SUGCT: variants seen among roughly 807,000 people sequenced by gnomAD.
SUGCT encodes the protein succinyl-CoA:glutarate CoA-transferase.
SUGCT carries 41 observed loss-of-function variants against 55.0 expected under a neutral mutation model. The observed-to-expected ratio is 0.74, with a 90% CI of 0.58 to 0.97. SUGCT has a LOEUF of 0.97. SUGCT is among the 50% of genes least tolerant of loss of function. The pLI, the probability that SUGCT is intolerant of heterozygous loss-of-function variation, is 0.00. For synonymous variants in SUGCT, 187 were observed against 200.4 expected (o/e 0.93, Z 0.56); for missense variants, 568 against 547.8 (o/e 1.04, Z -0.37).
chr7:40,924,461 C>G, the SUGCT span, among the ~76,000 whole-genome samples: 2 of 152,128 alleles, frequency 1.3e-5, no homozygotes, highest in African/African-American at 4.8e-5. Context: ...GGTTGCCCCA[C>G]CCAGCTGGTC....
the SUGCT span, among the ~76,000 whole-genome samples, chr7:41,007,823 CAAAAAAAAAAAA>C: frequency 9.6e-6 from 1 of 104,292 alleles, no homozygotes; most frequent in African/African-American, 3.6e-5. Flanking sequence ...AACTGAAATC[CAAAAAAAAAAAA>C]AAAAAAAAGA....
Position 40,194,670 on chromosome 7 carries a change from A to G in SUGCT, c.364-270A>G, listed in dbSNP as rs188057352. Among the ~76,000 whole-genome samples, 6 of 152,354 alleles carry G rather than the reference A, an allele frequency of 3.9e-5. No homozygotes were observed. The East Asian group carries it at 1.2e-3, about 29-fold the overall frequency. ...TTTTGAGAATCTATTTGGACAGACC[A>G]TGTAGTCTAGATATTTATTACATTT... On this transcript the variant is annotated intron_variant, in intron 5 of 13. Transcript: ENST00000335693.
At chr7:40,607,180 C>G (rs1487452248) in intron 12 of SUGCT, among the ~76,000 whole-genome samples, 1 of 151,372 alleles carries the variant, frequency 6.6e-6, no homozygotes, top group Non-Finnish European at 1.5e-5. Flanking sequence ...TTATAGCTCA[C>G]TACAGCCTCA....
intron 12 of SUGCT, among the ~76,000 whole-genome samples, chr7:40,692,726 AT>A (rs1408678483): frequency 1.3e-5 from 2 of 152,192 alleles, no homozygotes; most frequent in African/African-American, 4.8e-5. Flanking sequence ...TCGGGCACCA[AT>A]TCTAAATTTC....
intron 1 of SUGCT, among the ~76,000 whole-genome samples, chr7:40,156,288 C>T (rs1023402240): frequency 3.3e-5 from 5 of 151,932 alleles, no homozygotes; most frequent in African/African-American, 7.2e-5. Context: ...ACAGTGAAAC[C>T]CCGTCTCTAC....
At chr7:40,901,023 G>A in the SUGCT span, among the ~76,000 whole-genome samples, 4 of 152,170 alleles carry the variant, frequency 2.6e-5, no homozygotes, top group Admixed American at 1.3e-4. Context: ...TATATTGTAG[G>A]TGGTGGGGAG....
intron 7 of SUGCT, among the ~76,000 whole-genome samples, chr7:40,255,140 C>A (rs1584477353): frequency 6.7e-6 from 1 of 149,904 alleles, no homozygotes; most frequent in South Asian, 2.1e-4. Flanking sequence ...GGCAGGAGAA[C>A]CACTTGAACC....
intron 13 of SUGCT, among the ~76,000 whole-genome samples, chr7:40,773,646 T>TCACTTTGC (rs548724466): frequency 5.3e-4 from 81 of 152,314 alleles, no homozygotes; most frequent in African/African-American, 1.7e-3. Context: ...CCTGCAGAGA[T>TCACTTTGC]ACTTTTTTTG....
At chr7:40,276,777 A>G (rs940076552) in intron 8 of SUGCT, among the ~76,000 whole-genome samples, 5 of 150,706 alleles carry the variant, frequency 3.3e-5, no homozygotes, top group South Asian at 2.1e-4. Context: ...TATATAGTCA[A>G]TCATTTTTGG....
chr7:40,972,484 A>G, the SUGCT span, among the ~76,000 whole-genome samples: 1 of 152,200 alleles, frequency 6.6e-6, no homozygotes, highest in Non-Finnish European at 1.5e-5. Context: ...CTTGCTTCCA[A>G]GCCCCACAGA....
intron 9 of SUGCT, among the ~76,000 whole-genome samples, chr7:40,361,467 G>A (rs1308305347): frequency 2.0e-5 from 3 of 151,838 alleles, no homozygotes; most frequent in Non-Finnish European, 2.9e-5. Flanking sequence ...CCAGCTACTC[G>A]GGAGGCTGAG....
At chr7:40,632,027 T>C (rs1372539511) in intron 12 of SUGCT, among the ~76,000 whole-genome samples, 2 of 152,166 alleles carry the variant, frequency 1.3e-5, no homozygotes, top group Non-Finnish European at 2.9e-5. Context: ...CTAACTCTTC[T>C]CCTGGAATGC....
the SUGCT span, among the ~76,000 whole-genome samples, chr7:40,953,572 T>C: frequency 6.6e-6 from 1 of 152,214 alleles, no homozygotes; most frequent in African/African-American, 2.4e-5. Flanking sequence ...TTTTTCCCCA[T>C]CTTTGTGGTT....
intron 9 of SUGCT, among the ~76,000 whole-genome samples, chr7:40,441,532 T>A (rs899502415): frequency 1.3e-5 from 2 of 152,136 alleles, no homozygotes; most frequent in Non-Finnish European, 2.9e-5. Context: ...GAAAAAGATA[T>A]TTTGTGTCAT....
At chr7:40,150,443 C>T (rs1031313505) in intron 1 of SUGCT, among the ~76,000 whole-genome samples, 5 of 152,068 alleles carry the variant, frequency 3.3e-5, no homozygotes, top group East Asian at 1.9e-4. Context: ...CTAAGGCAGG[C>T]GGATCACTTG....
intron 13 of SUGCT, among the ~76,000 whole-genome samples, chr7:40,753,532 A>G (rs1397749019): frequency 6.6e-6 from 1 of 152,164 alleles, no homozygotes; most frequent in East Asian, 1.9e-4. Context: ...GCTTATTACC[A>G]TTCCAAATTA....
chr7:40,982,468 A>G, the SUGCT span, among the ~76,000 whole-genome samples: 5 of 152,196 alleles, frequency 3.3e-5, no homozygotes, highest in Non-Finnish European at 2.9e-5. Flanking sequence ...TCAGGCTGTC[A>G]TAATGAAATA....
chr7:40,729,541 TC>T (rs1786787660), intron 12 of SUGCT, among the ~76,000 whole-genome samples: 1 of 152,170 alleles, frequency 6.6e-6, no homozygotes, highest in African/African-American at 2.4e-5. Context: ...ATATTAAAAA[TC>T]AAGGAGATTT....
At chr7:40,361,242 A>G (rs1036437362) in intron 9 of SUGCT, among the ~76,000 whole-genome samples, 2 of 152,086 alleles carry the variant, frequency 1.3e-5, no homozygotes, top group African/African-American at 4.8e-5. Context: ...TCTGCTCTTT[A>G]GGATACCAAC....
Sources: allele counts gnomAD v4.1 joint callset (sites outside exome capture counted in the v4.1 genomes callset), GRCh38; gene constraint gnomAD v4.1.1; transcripts MANE v1.5; gene names NCBI Gene and HGNC (gene_info 2026-07-23, HGNC 2026-07-21).